C8B: variants seen among roughly 807,000 people sequenced by gnomAD.
The protein encoded by C8B is complement C8 beta chain.
A neutral mutation model predicts 64.6 loss-of-function variants in C8B; 67 were observed. That is an observed-to-expected ratio of 1.04 (90% CI 0.85 to 1.27). The LOEUF (loss-of-function observed/expected upper bound fraction) is 1.27. Among genes scored for constraint, C8B ranks in the 50% most tolerant of loss-of-function variants. The pLI, the probability that C8B is intolerant of heterozygous loss-of-function variation, is 0.00. For missense variants in C8B, 790 were observed against 725.2 expected, an observed-to-expected ratio of 1.09 and a Z score of -1.03; for synonymous variants, 284 against 257.7, an observed-to-expected ratio of 1.10 and a Z score of -0.98.
At chr1:56,960,895 A>G (rs1479446134) in intron 1 of C8B, among the ~76,000 whole-genome samples, 1 of 151,950 alleles carries the variant, frequency 6.6e-6, no homozygotes, top group African/African-American at 2.4e-5. Flanking sequence ...TGAAACACCT[A>G]CGGAGACTCA....
intron 8 of C8B, among the ~76,000 whole-genome samples, chr1:56,941,334 G>A (rs1017014007): frequency 3.9e-5 from 6 of 152,134 alleles, no homozygotes; most frequent in African/African-American, 1.2e-4. Flanking sequence ...ATAATAGGTA[G>A]GTAGATAGGT....
intron 6 of C8B, 137 bp from the exon 7 acceptor site, chr1:56,946,198 G>C (rs1644940278): frequency 2.1e-6 from 2 of 962,224 alleles, no homozygotes; most frequent in Non-Finnish European, 3.2e-6. Context: ...ATACTTGAGG[G>C]AAGACAGCCT....
At chr1:56,954,872 GA>G in intron 3 of C8B, 45 bp from the exon 4 acceptor site, 1 of 1,613,260 alleles carries the variant, frequency 6.2e-7, no homozygotes. Context: ...TGGTTGGCAA[GA>G]AAGGAACTAA....
chr1:56,944,882 C>G (rs2101403929), intron 7 of C8B, among the ~76,000 whole-genome samples: 1 of 152,292 alleles, frequency 6.6e-6, no homozygotes, highest in East Asian at 1.9e-4. Flanking sequence ...TACAGCCATT[C>G]ACTTAACCCA....
At chr1:56,959,011 C>CA (rs1409339979) in intron 2 of C8B, among the ~76,000 whole-genome samples, 1 of 152,188 alleles carries the variant, frequency 6.6e-6, no homozygotes, top group South Asian at 2.1e-4. Flanking sequence ...GGCTGAATGA[C>CA]AGATATTGCG....
chr1:56,931,522 G>A, intron 11 of C8B: 1 of 383,640 alleles, frequency 2.6e-6, no homozygotes, highest in South Asian at 2.1e-5. Flanking sequence ...TACTAAGCAG[G>A]AAAAGAGGGT....
chr1:56,949,752 T>A lies in C8B; in HGVS notation c.667A>T (p.Thr223Ser). 1 of 1,609,178 alleles carries A rather than the reference T, an allele frequency of 6.2e-7. No individual in the cohort carries two copies. Among genetic ancestry groups the A allele is most frequent in the Non-Finnish European group, 8.5e-7 (1 of 1,176,594 alleles). ...AATATGAATTCGTATTTGCCTTGGG[T>A]CTAAAGAAGAAAAAAGAAAGGGTTT... is the stretch of plus-strand genomic sequence containing the variant. ...PYNVESYTPQ[T>S]QGKYEFILKE... is the part of the protein sequence containing the mutation. The change falls in exon 6 of 12, where the codon ACC becomes TCC. Residue 223 changes from threonine (T) to serine (S), a missense_variant and splice_region_variant. Physicochemically the swap from Thr to Ser is moderately conservative, Grantham distance 58. Transcript: ENST00000371237.
At chr1:56,951,950 A>T in intron 5 of C8B, 98 bp downstream of exon 5, 1 of 1,387,754 alleles carries the variant, frequency 7.2e-7, no homozygotes. Context: ...CTGAAGCTCA[A>T]AGAGAAAAGG....
At chr1:56,960,301 T>A (rs1201357054) in intron 1 of C8B, 125 bp from the exon 2 acceptor site, 1 of 847,138 alleles carries the variant, frequency 1.2e-6, no homozygotes, top group Non-Finnish European at 2.0e-6. Flanking sequence ...AGTTTATCAT[T>A]CCAGGATAAC....
chr1:56,933,485 C>A lies in C8B; in HGVS notation c.1402G>T (p.Glu468Ter), dbSNP rs565926603. The part of the protein sequence containing the change: ...YNPAIIKVKV[E>*]PLYELVTATD... ...GCTGTCACTAGTTCATACAGAGGCT[C>A]CACCTGGAAAGGGAAAAGGGCATTT... The change falls in exon 10 of 12, where the codon GAG (glutamate) becomes TAG (stop). Residue 468 changes from glutamate (E) to a stop codon, truncating the protein, a stop_gained. Coordinates refer to ENST00000371237, the MANE Select transcript of C8B (RefSeq NM_000066.4). LOFTEE classifies it high-confidence loss of function. The A allele has an allele frequency of 1.2e-6, 2 of 1,613,500 alleles. No homozygotes were observed. Among genetic ancestry groups the A allele is most frequent in the African/African-American group, 2.7e-5 (2 of 75,024 alleles).
In C8B at chr1:56,940,896, C is replaced by T; in HGVS notation, c.1351G>A (p.Glu451Lys). 2 of 1,614,032 alleles carry T rather than the reference C, an allele frequency of 1.2e-6. No individual in the cohort carries two copies. The highest frequency in any genetic ancestry group is 2.2e-5 in the South Asian group (2 of 91,058). ...QELPTADLMQ[E>K]WGDAVQYNPA... is the part of the protein sequence containing the mutation. ...TTGTACTGCACAGCGTCTCCCCACT[C>T]CTGCATCAGGTCCGCCGTCGGCAGC... Residue 451 changes from glutamate (E) to lysine (K), a missense_variant, in exon 9 of 12, where the codon GAG becomes AAG. Physicochemically the swap from Glu to Lys is moderately conservative, Grantham distance 56. Coordinates refer to ENST00000371237, the MANE Select transcript of C8B (RefSeq NM_000066.4).
chr1:56,959,980 C>T, intron 2 of C8B, 40 bp downstream of exon 2: 2 of 1,612,752 alleles, frequency 1.2e-6, no homozygotes, highest in East Asian at 2.2e-5. Flanking sequence ...GGGACAAAGG[C>T]TCCTGGAAGC....
chr1:56,960,094 T>C lies in C8B; in HGVS notation c.175A>G (p.Thr59Ala), dbSNP rs1174529730. 2.0e-5 allele frequency: 32 copies of C among 1,613,974 alleles called. No individual in the cohort carries two copies. The Admixed American group carries it at 4.7e-4, about 24-fold the overall frequency. ...AGCTCACAATCAATGGGCATCAGGG[T>C]AACATCCACACTCCGCATCTGTCTG... is the stretch of plus-strand genomic sequence containing the variant. ...KSRQMRSVDV[T>A]LMPIDCELSS... is the part of the protein sequence containing the mutation. The change falls in exon 2 of 12, where the codon ACC (threonine) becomes GCC (alanine). Residue 59 changes from threonine (T) to alanine (A), a missense_variant. By Grantham distance (58) the Thr-to-Ala change is moderately conservative (BLOSUM62 0). Transcript: ENST00000371237.
chr1:56,935,351 T>C (rs1370323431), intron 9 of C8B, among the ~76,000 whole-genome samples: 4 of 152,174 alleles, frequency 2.6e-5, no homozygotes, highest in Non-Finnish European at 5.9e-5. Flanking sequence ...TTCCTGTCTT[T>C]TTTGTTCTCT....
intron 2 of C8B, among the ~76,000 whole-genome samples, chr1:56,958,607 C>T (rs182481191): frequency 6.6e-6 from 1 of 152,216 alleles, no homozygotes; most frequent in Non-Finnish European, 1.5e-5. Flanking sequence ...TTTGCTGAGC[C>T]CCCAGCCAGT....
intron 10 of C8B, 67 bp from the exon 11 acceptor site, chr1:56,931,945 C>T: frequency 9.3e-7 from 1 of 1,076,658 alleles, no homozygotes; most frequent in East Asian, 2.4e-5. Context: ...GGAGCTCAGC[C>T]CTCCAATCAC....
intron 6 of C8B, 60 bp downstream of exon 6, chr1:56,949,495 C>G: frequency 4.3e-6 from 6 of 1,409,324 alleles, no homozygotes; most frequent in Non-Finnish European, 5.0e-6. Context: ...TGTTTTGTTA[C>G]AGCAGCAGAA....
chr1:56,949,707 A>C lies in C8B; in HGVS notation c.712T>G (p.Ser238Ala), dbSNP rs755416627. The C allele has an allele frequency of 9.9e-6, 16 of 1,613,876 alleles. No individual in the cohort carries two copies. Among genetic ancestry groups the C allele is most frequent in the Non-Finnish European group, 1.0e-5 (12 of 1,179,964 alleles). ...EFILKEYESY[S>A]DFERNVTEKM... is the part of the protein sequence containing the mutation. Reference sequence around the variant, plus strand: ...TCTGTGACATTGCGTTCAAAATCTGAGTATGATTCATACTCTTTTAATATG... The same window carrying C: ...TCTGTGACATTGCGTTCAAAATCTGCGTATGATTCATACTCTTTTAATATG... Residue 238 changes from serine to alanine, a missense_variant, in exon 6 of 12, where the codon TCA (serine) becomes GCA (alanine). Ser to Ala is a moderately conservative substitution (Grantham distance 99). Coordinates refer to ENST00000371237, the MANE Select transcript of C8B (RefSeq NM_000066.4).
At chr1:56,948,799 T>C (rs943531423) in intron 6 of C8B, among the ~76,000 whole-genome samples, 5 of 152,108 alleles carry the variant, frequency 3.3e-5, no homozygotes, top group Admixed American at 6.5e-5. Flanking sequence ...AGAGAAGAGG[T>C]CTTGGGTAAC....
Sources: allele counts gnomAD v4.1 joint callset (sites outside exome capture counted in the v4.1 genomes callset), GRCh38; gene constraint gnomAD v4.1.1; transcripts MANE v1.5; gene names NCBI Gene and HGNC (gene_info 2026-07-23, HGNC 2026-07-21).